The following WSCD2 variants were observed in gnomAD, a reference collection of about 807,000 sequenced individuals.
WSCD2 encodes the protein sialate:O-sulfotransferase 2.
In WSCD2, 28 loss-of-function variants were observed where a neutral mutation model predicts 55.7. The observed-to-expected ratio is 0.50, with a 90% CI of 0.37 to 0.69. The LOEUF is 0.69. Among genes scored for constraint, WSCD2 ranks in the 30% least tolerant of loss-of-function variants. The probability of loss-of-function intolerance (pLI) is 0.00; values close to 1 mark genes in which losing one functional copy is unlikely to be tolerated. For missense variants in WSCD2, 616 were observed against 762.1 expected, an observed-to-expected ratio of 0.81 and a Z score of 2.26; for synonymous variants, 301 against 301.9, an observed-to-expected ratio of 1.00 and a Z score of 0.03.
intron 3 of WSCD2, among the ~76,000 whole-genome samples, chr12:108,209,815 T>C (rs976290151): frequency 7.9e-5 from 12 of 151,974 alleles, no homozygotes; most frequent in Non-Finnish European, 1.5e-4. Context: ...CCTCAGGGTC[T>C]CCCCTGCCCT....
At chr12:108,154,254 T>A (rs1043398913) in intron 1 of WSCD2, among the ~76,000 whole-genome samples, 3 of 152,096 alleles carry the variant, frequency 2.0e-5, no homozygotes, top group Non-Finnish European at 4.4e-5. Flanking sequence ...ACAACATGGG[T>A]CTCACCAGGT....
At chr12:108,208,329 C>T (rs1211690182) in intron 3 of WSCD2, among the ~76,000 whole-genome samples, 2 of 152,128 alleles carry the variant, frequency 1.3e-5, no homozygotes, top group South Asian at 4.1e-4. Context: ...TTCACAAGAC[C>T]CCTATGAGGC....
At chr12:108,226,507 T>C (rs1888105195) in intron 5 of WSCD2, among the ~76,000 whole-genome samples, 1 of 152,150 alleles carries the variant, frequency 6.6e-6, no homozygotes, top group Non-Finnish European at 1.5e-5. Flanking sequence ...TCAGTTGTCT[T>C]TCCAGGAGAA....
chr12:108,129,921 C>T lies in WSCD2; in HGVS notation c.-557C>T, dbSNP rs1333403692. 1 of 152,288 alleles carries T rather than the reference C, an allele frequency of 6.6e-6. No homozygotes were observed. Among genetic ancestry groups the T allele is most frequent in the East Asian group, 1.9e-4 (1 of 5,176 alleles). The allele number at this position is 152,288 out of a possible 1,614,324, so 9.4% of individuals were successfully genotyped here. A position where few individuals can be genotyped will look rare whatever the true frequency, so the allele number is the denominator to read the frequency against. On this transcript the variant is annotated 5_prime_UTR_variant, in exon 1 of 9. Transcript: ENST00000547525. ...GCAGAGTTTGCAAGTGGCGGAGACC[C>T]TTCAGGTAAGGACTCAGGTGCCTGG...
chr12:108,165,830 A>G (rs573718622), intron 1 of WSCD2, among the ~76,000 whole-genome samples: 2 of 152,322 alleles, frequency 1.3e-5, no homozygotes, highest in Non-Finnish European at 2.9e-5. Context: ...ATAGAGGTTA[A>G]TCACTACAAA....
chr12:108,241,490 C>T (rs560108954), intron 8 of WSCD2, among the ~76,000 whole-genome samples: 1 of 152,296 alleles, frequency 6.6e-6, no homozygotes, highest in African/African-American at 2.4e-5. Context: ...CCACCATAAT[C>T]GCCCCATTTG....
At chr12:108,155,427 A>C (rs1453307544) in intron 1 of WSCD2, among the ~76,000 whole-genome samples, 1 of 152,206 alleles carries the variant, frequency 6.6e-6, no homozygotes, top group Non-Finnish European at 1.5e-5. Flanking sequence ...GCCTAGAATA[A>C]GGACACGTTA....
intron 1 of WSCD2, among the ~76,000 whole-genome samples, chr12:108,188,025 C>T (rs941772498): frequency 1.4e-4 from 21 of 152,316 alleles, no homozygotes; most frequent in African/African-American, 3.8e-4. Context: ...TTATTTATAA[C>T]GGACACCATA....
chr12:108,223,228 G>A (rs1887721567), intron 4 of WSCD2, among the ~76,000 whole-genome samples: 1 of 152,152 alleles, frequency 6.6e-6, no homozygotes, highest in African/African-American at 2.4e-5. Context: ...CCAAACAACT[G>A]GGCACCATGG....
chr12:108,234,200 G>A (rs760466242), intron 7 of WSCD2, among the ~76,000 whole-genome samples: 24 of 152,368 alleles, frequency 1.6e-4, no homozygotes, highest in Non-Finnish European at 2.8e-4. Context: ...ACGAATTTGT[G>A]TTGGGCCGCA....
intron 3 of WSCD2, among the ~76,000 whole-genome samples, chr12:108,207,680 C>G (rs1417124862): frequency 6.6e-6 from 1 of 151,956 alleles, no homozygotes; most frequent in East Asian, 1.9e-4. Context: ...AGGCACCAAA[C>G]CCAGCCCCTG....
intron 1 of WSCD2, among the ~76,000 whole-genome samples, 185 bp downstream of exon 1, chr12:108,130,111 C>T (rs1039171204): frequency 2.0e-5 from 3 of 152,204 alleles, no homozygotes; most frequent in Admixed American, 2.0e-4. Flanking sequence ...CCCAGCTCTG[C>T]GTAGATGACA....
Position 108,203,881 on chromosome 12 carries a change from T to C in WSCD2, c.383-2408T>C, listed in dbSNP as rs114374293. On this transcript the variant is annotated intron_variant, in intron 2 of 8. Coordinates refer to ENST00000547525, the MANE Select transcript of WSCD2 (RefSeq NM_014653.4). Reference sequence around the variant, plus strand: ...AAATGAAACTTCCTCAAGTGTAAGATGGTTGGAGGACAGACCTGGGCTTTA... The same window carrying C: ...AAATGAAACTTCCTCAAGTGTAAGACGGTTGGAGGACAGACCTGGGCTTTA... Among the ~76,000 whole-genome samples, 1,129 of 152,314 alleles carry C rather than the reference T, an allele frequency of 7.4e-3. 21 individuals carry two copies. Among genetic ancestry groups the C allele is most frequent in the African/African-American group, 0.026 (1,084 of 41,578 alleles).
At chr12:108,216,105 T>G (rs1886804020) in intron 4 of WSCD2, among the ~76,000 whole-genome samples, 1 of 152,146 alleles carries the variant, frequency 6.6e-6, no homozygotes, top group African/African-American at 2.4e-5. Context: ...CTTGTTAAAA[T>G]TGAGCAGATC....
At chr12:108,245,536 C>A (rs1890025301) in intron 8 of WSCD2, among the ~76,000 whole-genome samples, 1 of 152,176 alleles carries the variant, frequency 6.6e-6, no homozygotes, top group Non-Finnish European at 1.5e-5. Context: ...TTTTCTTGAG[C>A]CATCCTGCAG....
chr12:108,245,662 CT>C (rs1319750466), intron 8 of WSCD2, among the ~76,000 whole-genome samples: 1 of 152,202 alleles, frequency 6.6e-6, no homozygotes, highest in Non-Finnish European at 1.5e-5. Flanking sequence ...GGCATCTCCC[CT>C]GAGAGTAGCA....
chr12:108,223,761 C>T (rs1010434526), intron 4 of WSCD2, among the ~76,000 whole-genome samples: 2 of 152,194 alleles, frequency 1.3e-5, no homozygotes, highest in African/African-American at 4.8e-5. Context: ...AGTTACGCCC[C>T]AGCCTGGGGG....
intron 1 of WSCD2, among the ~76,000 whole-genome samples, chr12:108,140,642 T>G (rs1459720362): frequency 6.6e-6 from 1 of 152,140 alleles, no homozygotes; most frequent in Non-Finnish European, 1.5e-5. Context: ...GGTGTCAGTG[T>G]CTTCTCCCCT....
chr12:108,245,126 TCTA>T (rs1889994990), intron 8 of WSCD2, among the ~76,000 whole-genome samples: 1 of 152,152 alleles, frequency 6.6e-6, no homozygotes, highest in Non-Finnish European at 1.5e-5. Context: ...GAATGGTACT[TCTA>T]TTTTTAGTTC....
Sources: allele counts gnomAD v4.1 joint callset (sites outside exome capture counted in the v4.1 genomes callset), GRCh38; gene constraint gnomAD v4.1.1; transcripts MANE v1.5; gene names NCBI Gene and HGNC (gene_info 2026-07-23, HGNC 2026-07-21).